C11orf65: variants seen among roughly 807,000 people sequenced by gnomAD.
The protein encoded by C11orf65 is protein MFI.
Under a neutral mutation model 35.3 loss-of-function variants are expected in C11orf65, and 38 were observed. The ratio of observed to expected loss-of-function variants is 1.08; its 90% confidence interval spans 0.83 to 1.41. The LOEUF (loss-of-function observed/expected upper bound fraction) is 1.41. Ranked by LOEUF, C11orf65 falls within the 40% of genes most tolerant of loss-of-function variation. The pLI, the probability that C11orf65 is intolerant of heterozygous loss-of-function variation, is 0.00. For missense variants in C11orf65, 370 were observed against 367.1 expected (o/e 1.01, Z -0.06); for synonymous variants, 105 against 114.4 (o/e 0.92, Z 0.53).
intron 2 of C11orf65, among the ~76,000 whole-genome samples, chr11:108,458,397 C>G (rs1259916533): frequency 6.8e-6 from 1 of 147,514 alleles, no homozygotes; most frequent in Non-Finnish European, 1.5e-5. Flanking sequence ...TGGAGAAGAT[C>G]ACCAGACAGG....
At chr11:108,413,701 A>G (rs2092691174) in intron 3 of C11orf65, among the ~76,000 whole-genome samples, 1 of 152,216 alleles carries the variant, frequency 6.6e-6, no homozygotes, top group South Asian at 2.1e-4. Context: ...TAAAAGGAAT[A>G]GAAATCATAC....
chr11:108,389,163 T>C (rs2092087235), intron 7 of C11orf65, among the ~76,000 whole-genome samples: 1 of 152,256 alleles, frequency 6.6e-6, no homozygotes, highest in South Asian at 2.1e-4. Context: ...ACCAATTCTC[T>C]AGAGGGGACA....
At chr11:108,448,889 C>T (rs558362744) in intron 2 of C11orf65, among the ~76,000 whole-genome samples, 1 of 152,266 alleles carries the variant, frequency 6.6e-6, no homozygotes, top group Admixed American at 6.5e-5. Context: ...AAAACCCCAT[C>T]ATTTCAGCCC....
intron 2 of C11orf65, chr11:108,347,188 A>G (rs2088524864): frequency 2.0e-6 from 2 of 994,768 alleles, no homozygotes; most frequent in South Asian, 1.3e-5. Flanking sequence ...TAAAGATTAT[A>G]CCAAGTCAGT....
At chr11:108,312,547 T>G in intron 6 of C11orf65, 1 of 1,387,048 alleles carries the variant, frequency 7.2e-7, no homozygotes, top group East Asian at 2.3e-5. Flanking sequence ...TCTCATACTT[T>G]GGGTTATTTT....
At chr11:108,310,462 A>G in intron 6 of C11orf65, 1 of 749,162 alleles carries the variant, frequency 1.3e-6, no homozygotes, top group Non-Finnish European at 2.1e-6. Flanking sequence ...ATTATAATAA[A>G]TTTTTAAAAA....
intron 6 of C11orf65, chr11:108,316,193 C>A: frequency 7.8e-7 from 1 of 1,277,410 alleles, no homozygotes; most frequent in Non-Finnish European, 1.1e-6. Flanking sequence ...GATATTTACA[C>A]AGCCAGATAA....
intron 3 of C11orf65, among the ~76,000 whole-genome samples, chr11:108,421,937 AT>A (rs946914737): frequency 6.6e-6 from 1 of 151,976 alleles, no homozygotes; most frequent in African/African-American, 2.4e-5. Flanking sequence ...TCTGATGGTT[AT>A]TCTTTTTTTT....
chr11:108,368,835 T>G (rs988337502), intron 2 of C11orf65: 7 of 202,894 alleles, frequency 3.5e-5, no homozygotes, highest in African/African-American at 1.6e-4. Context: ...ATGTATGCAC[T>G]TAGGAATGCT....
intron 2 of C11orf65, among the ~76,000 whole-genome samples, chr11:108,348,494 G>T (rs542156779): frequency 2.0e-5 from 3 of 151,448 alleles, no homozygotes; most frequent in East Asian, 3.9e-4. Context: ...AGAAAGTGAT[G>T]AATTTAGTTT....
At chr11:108,400,645 G>C (rs1591469499) in intron 6 of C11orf65, among the ~76,000 whole-genome samples, 1 of 152,294 alleles carries the variant, frequency 6.6e-6, no homozygotes, top group South Asian at 2.1e-4. Context: ...TTGCTCTGTT[G>C]AAGAAGCCAC....
intron 6 of C11orf65, among the ~76,000 whole-genome samples, chr11:108,395,620 ATT>A (rs536560810): frequency 9.7e-5 from 12 of 123,362 alleles, no homozygotes; most frequent in African/African-American, 1.4e-4. Flanking sequence ...CCCAGCCCAA[ATT>A]TTTTTTTTTT....
chr11:108,323,729 G>T (rs374898069), intron 6 of C11orf65, among the ~76,000 whole-genome samples: 110 of 152,224 alleles, frequency 7.2e-4, no homozygotes, highest in African/African-American at 2.5e-3. Context: ...AACACCTAAA[G>T]AATAATCTGG....
chr11:108,376,054 A>G (rs2091714919), intron 2 of C11orf65, among the ~76,000 whole-genome samples: 1 of 152,124 alleles, frequency 6.6e-6, no homozygotes, highest in African/African-American at 2.4e-5. Flanking sequence ...TTAACACCCC[A>G]CTGTCAACAT....
intron 2 of C11orf65, among the ~76,000 whole-genome samples, chr11:108,372,919 TA>T (rs927234325): frequency 2.4e-4 from 36 of 148,434 alleles, no homozygotes; most frequent in East Asian, 5.9e-4. Flanking sequence ...ACCAAAGATT[TA>T]AAAAAAAAAA....
At position 108,326,395 on chromosome 11, in the gene C11orf65, ACTTTTT is replaced by A. The variant is rs201063124; in HGVS notation, c.641-17330_641-17325del. ...ATTAATTTGTAAATGAAGTTTAGAAACTTTTTCCTATATATCACAATTCTATCAGTC... is the reference window on the plus strand; with the variant it reads ...ATTAATTTGTAAATGAAGTTTAGAAACCTATATATCACAATTCTATCAGTC... On this transcript the variant is annotated intron_variant, in intron 6 of 6. Coordinates refer to the C11orf65 transcript ENST00000525729. Among the ~76,000 whole-genome samples the A allele has an allele frequency of 6.8e-3, 1,034 of 152,312 alleles. 15 individuals carry two copies. The highest frequency in any genetic ancestry group is 0.023 in the African/African-American group (957 of 41,570).
At position 108,317,539 on chromosome 11, in the gene C11orf65, ATT is replaced by A. The variant is rs58978479; in HGVS notation, c.641-8470_641-8469del. 1.2e-3 allele frequency: 1,495 copies of A among 1,298,164 alleles called. No individual in the cohort carries two copies. Among genetic ancestry groups the A allele is most frequent in the African/African-American group, 6.0e-3 (378 of 62,584 alleles). 80.4% of individuals were successfully genotyped at this position (1,298,164 alleles called of 1,614,324 possible). On this transcript the variant is annotated intron_variant, in intron 6 of 6. Transcript: ENST00000525729. ...TCCGTCAGGTAAGAAATTTGACTTG[ATT>A]TTTTTTTTTTTGCCTCTCTCCTCAT...
At chr11:108,431,688 A>G in intron 3 of C11orf65, 58 bp downstream of exon 3, 1 of 916,458 alleles carries the variant, frequency 1.1e-6, no homozygotes, top group South Asian at 2.8e-5. Flanking sequence ...TGAATTGATA[A>G]AGTAATCACA....
intron 3 of C11orf65, among the ~76,000 whole-genome samples, chr11:108,421,967 T>C (rs61915110): frequency 0.031 from 4,678 of 152,318 alleles, 108 homozygotes; most frequent in Non-Finnish European, 0.047. Context: ...AGTCTCACAC[T>C]GTCACCCGGG....
Sources: gnomAD v4.1 joint callset for allele counts (sites outside exome capture counted in the v4.1 genomes callset) on GRCh38, gnomAD v4.1.1 for gene constraint, MANE v1.5 for transcripts, NCBI Gene and HGNC (gene_info 2026-07-23, HGNC 2026-07-21) for gene names.